Variants in POLA1 observed in about 807,000 individuals in gnomAD.
POLA1 encodes the protein DNA polymerase alpha catalytic subunit.
Under a neutral mutation model 124.0 loss-of-function variants are expected in POLA1, and 15 were observed. The ratio of observed to expected loss-of-function variants is 0.12; its 90% CI spans 0.08 to 0.19. POLA1 has a LOEUF of 0.19. Ranked by LOEUF, POLA1 falls within the 10% of genes least tolerant of loss-of-function variation. The pLI is 1.00. For missense variants in POLA1, 886 were observed against 1,103.4 expected (o/e 0.80, Z 2.79); for synonymous variants, 408 against 389.4 (o/e 1.05, Z -0.56).
chrX:24,822,272 T>C (rs1302565194), intron 31 of POLA1, among the ~76,000 whole-genome samples: 1 of 112,008 alleles, frequency 8.9e-6, no homozygotes, highest in Non-Finnish European at 1.9e-5. Context: ...ATCCCTTCTA[T>C]CTGTAAAGAT....
At chrX:24,814,499 G>T (rs1479796490) in intron 29 of POLA1, among the ~76,000 whole-genome samples, 4 of 111,958 alleles carry the variant, frequency 3.6e-5, no homozygotes, top group Non-Finnish European at 7.5e-5. Flanking sequence ...AAAAATTTAT[G>T]TAAAGGACTT....
At chrX:24,994,365 G>A (rs1228483252) in intron 36 of POLA1, among the ~76,000 whole-genome samples, 18 of 112,678 alleles carry the variant, frequency 1.6e-4, no homozygotes, top group African/African-American at 3.5e-4. Context: ...CTGAGTTTTC[G>A]TTTTCCGGGT....
At chrX:24,995,275 G>A (rs2048590249) in intron 36 of POLA1, among the ~76,000 whole-genome samples, 1 of 110,680 alleles carries the variant, frequency 9.0e-6, no homozygotes, top group Non-Finnish European at 1.9e-5. Context: ...AGGTGCCCTC[G>A]GGGCCGCTCA....
At chrX:24,962,277 A>G (rs990211735) in intron 36 of POLA1, among the ~76,000 whole-genome samples, 3 of 111,509 alleles carry the variant, frequency 2.7e-5, no homozygotes, top group African/African-American at 6.5e-5. Context: ...TGTAAAAAAA[A>G]GTAGTTTGAC....
chrX:24,806,674 A>T (rs895544238), intron 26 of POLA1, among the ~76,000 whole-genome samples: 1 of 111,863 alleles, frequency 8.9e-6, no homozygotes, highest in African/African-American at 3.3e-5. Context: ...CTATTGGGTT[A>T]TATTTATTTT....
chrX:24,790,911 G>GTATATATATATATA (rs56343314), intron 26 of POLA1, among the ~76,000 whole-genome samples: 27 of 78,293 alleles, frequency 3.4e-4, no homozygotes, highest in South Asian at 6.2e-4. Context: ...TTATGTATAT[G>GTATATATATATATA]TATATATATA....
At chrX:24,695,901 T>C (rs1053737220) in intron 1 of POLA1, among the ~76,000 whole-genome samples, 1 of 112,582 alleles carries the variant, frequency 8.9e-6, no homozygotes, top group Non-Finnish European at 1.9e-5. Context: ...TGATGGTGGG[T>C]AGGCTGGACA....
intron 35 of POLA1, among the ~76,000 whole-genome samples, chrX:24,917,120 C>T (rs1196664388): frequency 9.0e-6 from 1 of 110,939 alleles, no homozygotes; most frequent in African/African-American, 3.3e-5. Flanking sequence ...GGTGAAACCC[C>T]GTCTCTACTA....
chrX:24,918,409 G>A (rs1361677317), intron 35 of POLA1, among the ~76,000 whole-genome samples: 1 of 111,556 alleles, frequency 9.0e-6, no homozygotes, highest in Non-Finnish European at 1.9e-5. Context: ...ACAAAGCAGA[G>A]ACAGTAGAGA....
chrX:24,744,461 G>A (rs772212982), intron 23 of POLA1: 9 of 337,221 alleles, frequency 2.7e-5, no homozygotes, highest in South Asian at 8.1e-5. Flanking sequence ...TTTTTATTCA[G>A]TTTCTTCTCA....
At position 24,699,430 on chromosome X, in the gene POLA1, T is replaced by A; in HGVS notation, c.49T>A (p.Ser17Thr). 1 of 1,164,038 alleles carries A rather than the reference T, an allele frequency of 8.6e-7. No homozygotes were observed. Among genetic ancestry groups the A allele is most frequent in the South Asian group, 2.1e-5 (1 of 47,897 alleles). Residue 17 changes from serine (S) to threonine (T), a missense_variant, in exon 2 of 37, where the codon TCA (serine) becomes ACA (threonine). Around this residue, in one of 7 missense-constraint regions of POLA1, gnomAD observed 49 missense variants for 39.2 expected, o/e 1.25. Transcript: ENST00000379068. ...AATTTTTTTTCTTTTTTCAGCTCTGTCAGATTCAGGGAGTTTTGTATCTTC... is the reference window on the plus strand; with the variant it reads ...AATTTTTTTTCTTTTTTCAGCTCTGACAGATTCAGGGAGTTTTGTATCTTC... The part of the protein sequence containing the change: ...DDCEIGASAL[S>T]DSGSFVSSRA...
At chrX:24,815,135 G>T in intron 30 of POLA1, 24 bp downstream of exon 30, 1 of 1,183,661 alleles carries the variant, frequency 8.4e-7, no homozygotes, top group South Asian at 1.9e-5. Flanking sequence ...TTATTGCTGA[G>T]CCCAGCTGCT....
chrX:24,825,622 ACAT>A (rs1488277412), intron 31 of POLA1, among the ~76,000 whole-genome samples: 32 of 112,282 alleles, frequency 2.8e-4, no homozygotes, highest in Non-Finnish European at 1.9e-5. Context: ...GATGATGGTG[ACAT>A]CATTCACAAG....
At chrX:24,825,335 G>C (rs1046650115) in intron 31 of POLA1, among the ~76,000 whole-genome samples, 5 of 112,137 alleles carry the variant, frequency 4.5e-5, no homozygotes, top group Non-Finnish European at 9.4e-5. Context: ...TTCATCAGGA[G>C]CCTAGCCAGA....
intron 34 of POLA1, among the ~76,000 whole-genome samples, chrX:24,878,605 G>A (rs1278459295): frequency 9.1e-6 from 1 of 109,880 alleles, no homozygotes; most frequent in African/African-American, 3.3e-5. Context: ...TAAAAGACTG[G>A]GTGCATTTTA....
chrX:24,807,817 C>T (rs1180987531), intron 26 of POLA1, among the ~76,000 whole-genome samples: 1 of 111,232 alleles, frequency 9.0e-6, no homozygotes, highest in East Asian at 2.8e-4. Context: ...GGATTTGAGC[C>T]GAGGGTTGTA....
chrX:24,993,249 T>C (rs1282528357), intron 36 of POLA1, among the ~76,000 whole-genome samples: 1 of 112,365 alleles, frequency 8.9e-6, no homozygotes, highest in Non-Finnish European at 1.9e-5. Flanking sequence ...GGAAGAGCAT[T>C]TCCTCCCCGA....
At chrX:24,710,944 G>A (rs1200259137) in intron 4 of POLA1, among the ~76,000 whole-genome samples, 1 of 111,141 alleles carries the variant, frequency 9.0e-6, no homozygotes, top group African/African-American at 3.3e-5. Flanking sequence ...GATTACAGGT[G>A]TGAGCCACCG....
intron 20 of POLA1, among the ~76,000 whole-genome samples, chrX:24,740,820 TG>T (rs1418292368): frequency 6.2e-5 from 7 of 112,076 alleles, no homozygotes; most frequent in Admixed American, 1.9e-4. Flanking sequence ...AATCTTCCAC[TG>T]TTTCCTAACA....
Sources: gnomAD v4.1 joint callset for allele counts (sites outside exome capture counted in the v4.1 genomes callset) on GRCh38, gnomAD v4.1.1 for gene constraint, gnomAD v4.1.1 regional missense constraint, MANE v1.5 for transcripts, NCBI Gene and HGNC (gene_info 2026-07-23, HGNC 2026-07-21) for gene names.